MIS18BP1: variants seen among roughly 807,000 people sequenced by gnomAD.
MIS18BP1 encodes mis18-binding protein 1.
MIS18BP1 carries 72 observed loss-of-function variants against 116.1 expected under a neutral mutation model. That is an observed-to-expected ratio of 0.62 (90% CI 0.51 to 0.75). The LOEUF (loss-of-function observed/expected upper bound fraction) is 0.75, where lower values mean the gene tolerates loss of function less well. Ranked by LOEUF, MIS18BP1 falls within the 30% of genes least tolerant of loss-of-function variation. The pLI, the probability that MIS18BP1 is intolerant of heterozygous loss-of-function variation, is 0.00. For synonymous variants in MIS18BP1, 386 were observed against 427.0 expected (o/e 0.90, Z 1.18); for missense variants, 1,363 against 1,303.2 (o/e 1.05, Z -0.71).
chr14:45,206,289 A>G, intron 14 of MIS18BP1, 119 bp from the exon 15 acceptor site: 2 of 692,180 alleles, frequency 2.9e-6, no homozygotes, highest in South Asian at 1.9e-5. Flanking sequence ...TTAATTTCAA[A>G]TGTATTTCTT....
intron 4 of MIS18BP1, among the ~76,000 whole-genome samples, chr14:45,237,936 C>T (rs1435880670): frequency 1.3e-5 from 2 of 152,086 alleles, no homozygotes; most frequent in Non-Finnish European, 2.9e-5. Context: ...GGTTGTATTG[C>T]ATTTGTTCTA....
intron 7 of MIS18BP1, chr14:45,232,458 A>G (rs1198992704): frequency 7.3e-6 from 2 of 273,582 alleles, no homozygotes; most frequent in Non-Finnish European, 1.4e-5. Context: ...AAAAACTGGC[A>G]TTTCAAACAA....
At chr14:45,240,945 A>C (rs1026967994) in intron 4 of MIS18BP1, among the ~76,000 whole-genome samples, 1 of 152,098 alleles carries the variant, frequency 6.6e-6, no homozygotes, top group Non-Finnish European at 1.5e-5. Flanking sequence ...TAAAGTTTAA[A>C]TATTTTCCAA....
intron 15 of MIS18BP1, among the ~76,000 whole-genome samples, chr14:45,204,822 T>A (rs945177685): frequency 2.6e-5 from 4 of 152,148 alleles, no homozygotes; most frequent in Admixed American, 2.6e-4. Context: ...TTATCATGAT[T>A]ATATATAGTA....
intron 1 of MIS18BP1, among the ~76,000 whole-genome samples, chr14:45,248,935 T>C (rs1301647601): frequency 1.3e-5 from 2 of 152,158 alleles, no homozygotes; most frequent in African/African-American, 4.8e-5. Flanking sequence ...TTTGAGACAG[T>C]GTCTCTGTCA....
Position 45,218,466 on chromosome 14 carries a change from C to G in MIS18BP1, c.2670-12G>C, listed in dbSNP as rs202246579. On this transcript the variant is annotated splice_polypyrimidine_tract_variant and intron_variant, in intron 11 of 16. Coordinates refer to ENST00000310806, the MANE Select transcript of MIS18BP1 (RefSeq NM_018353.5). ...GAGATGCAAAAGCACTATGGAAGAT[C>G]AAAACCAATTAAAGAATAAGAAATT... 14 of 1,580,452 alleles carry G rather than the reference C, an allele frequency of 8.9e-6. No individual in the cohort carries two copies.
At chr14:45,222,348 T>A (rs186898610) in intron 11 of MIS18BP1, among the ~76,000 whole-genome samples, 25 of 152,336 alleles carry the variant, frequency 1.6e-4, no homozygotes, top group Non-Finnish European at 2.1e-4. Context: ...TTCCAGTATT[T>A]TAATTTATGT....
In MIS18BP1 at chr14:45,224,276, A is replaced by C. The variant is rs893336701; in HGVS notation, c.2311T>G (p.Leu771Val). The change falls in exon 11 of 17, where the codon TTG becomes GTG. Residue 771 changes from leucine to valine, a missense_variant. Transcript: ENST00000310806. ...TCTGTTTCACTTTCTTCACTTGACA[A>C]ATCTGGTGAGGACTGATGCTTATAA... The part of the protein sequence containing the change: ...SFYKHQSSPD[L>V]SSEESETEKE... The C allele has an allele frequency of 2.5e-6, 4 of 1,613,702 alleles. No homozygotes were observed. In the African/African-American group the frequency reaches 5.3e-5, roughly 22 times the overall value.
chr14:45,218,856 T>C (rs1890895744), intron 11 of MIS18BP1, among the ~76,000 whole-genome samples: 1 of 129,862 alleles, frequency 7.7e-6, no homozygotes, highest in Non-Finnish European at 1.8e-5. Context: ...AATAAGCTCT[T>C]AGTTCTCTTA....
intron 13 of MIS18BP1, among the ~76,000 whole-genome samples, chr14:45,216,767 T>C (rs1890829441): frequency 6.6e-6 from 1 of 152,224 alleles, no homozygotes; most frequent in South Asian, 2.1e-4. Context: ...TAAATATATA[T>C]GTTTCACCTA....
intron 13 of MIS18BP1, among the ~76,000 whole-genome samples, chr14:45,216,215 G>A (rs371870087): frequency 1.3e-5 from 2 of 152,114 alleles, no homozygotes; most frequent in South Asian, 2.1e-4. Flanking sequence ...AAACTCTCAA[G>A]AATAGAATAA....
chr14:45,235,902 C>A lies in MIS18BP1; in HGVS notation c.1260G>T (p.Glu420Asp). The A allele has an allele frequency of 1.2e-6, 2 of 1,611,550 alleles. No individual in the cohort carries two copies. Among genetic ancestry groups the A allele is most frequent in the Non-Finnish European group, 1.7e-6 (2 of 1,178,680 alleles). The change falls in exon 6 of 17, where the codon GAG becomes GAT. Residue 420 changes from glutamate to aspartate, a missense_variant. Coordinates refer to ENST00000310806, the MANE Select transcript of MIS18BP1 (RefSeq NM_018353.5). ...TCCTAAGTTTGTTGTGCTCAATCCG[C>A]TCTATAATTACATTACTGTGCCAAT... ...NIYWHSNVII[E>D]RIEHNKLRTI...
At chr14:45,226,919 G>C (rs1042677693) in intron 9 of MIS18BP1, 83 bp from the exon 10 acceptor site, 215 of 1,118,610 alleles carry the variant, frequency 1.9e-4, no homozygotes, top group Non-Finnish European at 2.4e-4. Context: ...TATGCATCAA[G>C]CATACAAATT....
In MIS18BP1 at chr14:45,238,207, T is replaced by C. The variant is rs144608056; in HGVS notation, c.1144-486A>G. ...TGGTAATCTAGATTTAACAGTATTTTATTCCAAAGTAAACATCTGAATAGC... is the reference window on the plus strand; with the variant it reads ...TGGTAATCTAGATTTAACAGTATTTCATTCCAAAGTAAACATCTGAATAGC... On this transcript the variant is annotated intron_variant, in intron 4 of 16. Coordinates refer to ENST00000310806, the MANE Select transcript of MIS18BP1 (RefSeq NM_018353.5). 6.5e-3 allele frequency among the ~76,000 whole-genome samples: 993 copies of C among 152,236 alleles called. 8 individuals carry two copies. Among genetic ancestry groups the C allele is most frequent in the African/African-American group, 0.023 (945 of 41,540 alleles).
At position 45,231,297 on chromosome 14, in the gene MIS18BP1, C is replaced by G; in HGVS notation, c.1438G>C (p.Ala480Pro). The G allele has an allele frequency of 6.3e-7, 1 of 1,576,190 alleles. No homozygotes were observed. Among genetic ancestry groups the G allele is most frequent in the Non-Finnish European group, 8.6e-7 (1 of 1,164,766 alleles). The part of the protein sequence containing the change: ...HIDNFLEQLR[A>P]GEKNREKTKQ... ...GTCTTTTCCCTGTTCTTTTCACCAGCCCTTTAAAAACAATTATTTTATTTT... is the reference window on the plus strand; with the variant it reads ...GTCTTTTCCCTGTTCTTTTCACCAGGCCTTTAAAAACAATTATTTTATTTT... Residue 480 changes from alanine (A) to proline (P), a missense_variant and splice_region_variant, in exon 8 of 17, where the codon GCT becomes CCT. Coordinates refer to ENST00000310806, the MANE Select transcript of MIS18BP1 (RefSeq NM_018353.5).
chr14:45,207,631 A>C (rs763492391), intron 14 of MIS18BP1, among the ~76,000 whole-genome samples: 2 of 152,100 alleles, frequency 1.3e-5, no homozygotes, highest in Non-Finnish European at 2.9e-5. Context: ...AACCTGAGCA[A>C]CTCCATCTCA....
chr14:45,242,656 T>C, intron 3 of MIS18BP1, 105 bp downstream of exon 3: 1 of 1,455,922 alleles, frequency 6.9e-7, no homozygotes, highest in Non-Finnish European at 9.2e-7. Flanking sequence ...GATTCAAGCT[T>C]TTGTCCACAG....
chr14:45,244,919 CTACTGAAGGGCATCA>C (rs1366859690), intron 2 of MIS18BP1, among the ~76,000 whole-genome samples: 1 of 152,200 alleles, frequency 6.6e-6, no homozygotes, highest in African/African-American at 2.4e-5. Context: ...TTCCTCTCAA[CTACTGAAGGGCATCA>C]TACTAGCAAC....
chr14:45,252,026 A>G (rs1340621037), intron 1 of MIS18BP1, among the ~76,000 whole-genome samples: 1 of 152,248 alleles, frequency 6.6e-6, no homozygotes, highest in Non-Finnish European at 1.5e-5. Context: ...CAGCAACTCT[A>G]AAGAGTTAAG....
Sources: gnomAD v4.1 joint callset for allele counts (sites outside exome capture counted in the v4.1 genomes callset) on GRCh38, gnomAD v4.1.1 for gene constraint, MANE v1.5 for transcripts, NCBI Gene and HGNC (gene_info 2026-07-23, HGNC 2026-07-21) for gene names.